Variants in GRB7 observed in about 807,000 individuals in gnomAD.
The protein encoded by GRB7 is growth factor receptor-bound protein 7.
GRB7 carries 47 observed loss-of-function variants against 64.1 expected under a neutral mutation model. That is an observed-to-expected ratio of 0.73 (90% CI 0.58 to 0.94). The LOEUF is 0.94. Ranked by LOEUF, GRB7 falls within the 40% of genes least tolerant of loss-of-function variation. The pLI, the probability that GRB7 is intolerant of heterozygous loss-of-function variation, is 0.00. For synonymous variants in GRB7, 277 were observed against 279.9 expected (o/e 0.99, Z 0.10); for missense variants, 634 against 718.4 (o/e 0.88, Z 1.34).
chr17:39,746,985 C>A lies in GRB7; in HGVS notation c.*88C>A. On this transcript the variant is annotated 3_prime_UTR_variant, in exon 15 of 15. Coordinates refer to ENST00000309156, the MANE Select transcript of GRB7 (RefSeq NM_005310.5). Reference sequence around the variant, plus strand: ...TCCAGTGGACTCTGGGGCGCGGCCACAGGGGACGGGATGAGGAGCGGGAGG... The same window carrying A: ...TCCAGTGGACTCTGGGGCGCGGCCAAAGGGGACGGGATGAGGAGCGGGAGG... 2 of 1,431,734 alleles carry A rather than the reference C, an allele frequency of 1.4e-6. No homozygotes were observed. The highest frequency in any genetic ancestry group is 2.5e-5 in the South Asian group (2 of 79,352). 88.7% of individuals were successfully genotyped at this position (1,431,734 alleles called of 1,614,324 possible).
chr17:39,742,568 A>G lies in GRB7; in HGVS notation c.158A>G (p.Lys53Arg), dbSNP rs1056117423. 2 of 1,613,766 alleles carry G rather than the reference A, an allele frequency of 1.2e-6. No homozygotes were observed. Among genetic ancestry groups the G allele is most frequent in the Middle Eastern group, 1.6e-4 (1 of 6,062 alleles). ...QPLLIPTTGR[K>R]LREEERRATS... ...CTCCCTTTTTCTTCTTGCCACAGGAAACTTCGAGAGGAGGAGAGGCGTGCC... is the reference window on the plus strand; with the variant it reads ...CTCCCTTTTTCTTCTTGCCACAGGAGACTTCGAGAGGAGGAGAGGCGTGCC... Residue 53 changes from lysine to arginine, a missense_variant and splice_region_variant, in exon 3 of 15, where the codon AAA becomes AGA. Around this residue, in one of 2 missense-constraint regions of GRB7, gnomAD observed 167 missense variants for 141.9 expected, o/e 1.18. Coordinates refer to ENST00000309156, the MANE Select transcript of GRB7 (RefSeq NM_005310.5).
chr17:39,741,553 C>T (rs919050518), intron 1 of GRB7, among the ~76,000 whole-genome samples: 2 of 152,252 alleles, frequency 1.3e-5, no homozygotes. Flanking sequence ...CTGGAAAAAC[C>T]CGGGGCACAG....
At chr17:39,743,978 CAAAAAGAAAAAG>C in intron 6 of GRB7, 80 bp from the exon 7 acceptor site, 1 of 1,533,608 alleles carries the variant, frequency 6.5e-7, no homozygotes, top group South Asian at 1.2e-5. Flanking sequence ...GACCCTGTCT[CAAAAAGAAAAAG>C]AAAAAGAGAA....
At position 39,742,721 on chromosome 17, in the gene GRB7, G is replaced by A; in HGVS notation, c.306+5G>A. ...CGCGATGCCAGCCGCCCCCATGTGA[G>A]TTGTCCCTCAGAAGGGAAGGGAGGG... On this transcript the variant is annotated splice_donor_5th_base_variant and intron_variant, in intron 3 of 14. Coordinates refer to ENST00000309156, the MANE Select transcript of GRB7 (RefSeq NM_005310.5). The A allele has an allele frequency of 6.4e-7, 1 of 1,550,578 alleles. No individual in the cohort carries two copies. The highest frequency in any genetic ancestry group is 2.3e-5 in the East Asian group (1 of 44,374).
intron 6 of GRB7, chr17:39,743,673 C>T: frequency 1.6e-6 from 1 of 609,790 alleles, no homozygotes; most frequent in Non-Finnish European, 2.9e-6. Context: ...GGAGCATTTC[C>T]TTGTAAAAAC....
intron 1 of GRB7, among the ~76,000 whole-genome samples, chr17:39,741,354 GC>G (rs2059992816): frequency 6.6e-6 from 1 of 152,134 alleles, no homozygotes; most frequent in South Asian, 2.1e-4. Flanking sequence ...AGGTTTGGGG[GC>G]TGCTGGGGCC....
intron 1 of GRB7, among the ~76,000 whole-genome samples, chr17:39,739,795 G>C (rs2059980167): frequency 6.6e-6 from 1 of 152,208 alleles, no homozygotes; most frequent in Admixed American, 6.5e-5. Flanking sequence ...GATTTTGGGG[G>C]TCGGTGTTTC....
chr17:39,738,811 T>C (rs2059972242), intron 1 of GRB7: 1 of 1,219,096 alleles, frequency 8.2e-7, no homozygotes, highest in Non-Finnish European at 1.1e-6. Flanking sequence ...CCCTCCACTT[T>C]GGAGGGCAGT....
chr17:39,746,231 G>T (rs1287629606), intron 14 of GRB7, 29 bp downstream of exon 14: 1 of 1,576,268 alleles, frequency 6.3e-7, no homozygotes, highest in Non-Finnish European at 8.7e-7. Context: ...CCGGAGTCCT[G>T]CAATGAGACA....
chr17:39,743,970 C>A (rs986382611), intron 6 of GRB7, 100 bp from the exon 7 acceptor site: 19 of 1,486,414 alleles, frequency 1.3e-5, no homozygotes, highest in South Asian at 1.2e-4. Context: ...TAGCATGAGA[C>A]CCTGTCTCAA....
intron 1 of GRB7, 106 bp from the exon 2 acceptor site, chr17:39,742,146 C>T (rs2059999821): frequency 1.3e-6 from 1 of 767,056 alleles, no homozygotes. Context: ...CCAAGGGCTT[C>T]AGGGAAACTC....
chr17:39,739,619 T>A (rs1395479493), intron 1 of GRB7, among the ~76,000 whole-genome samples: 1 of 152,230 alleles, frequency 6.6e-6, no homozygotes, highest in Non-Finnish European at 1.5e-5. Context: ...CTGTTGGCCC[T>A]GAACACCGGG....
Position 39,742,564 on chromosome 17 carries a change from A to G in GRB7, c.156-2A>G. On this transcript the variant is annotated splice_acceptor_variant, in intron 2 of 14. Coordinates refer to ENST00000309156, the MANE Select transcript of GRB7 (RefSeq NM_005310.5). LOFTEE classifies it high-confidence loss of function. ...CTCTCTCCCTTTTTCTTCTTGCCACAGGAAACTTCGAGAGGAGGAGAGGCG... is the reference window on the plus strand; with the variant it reads ...CTCTCTCCCTTTTTCTTCTTGCCACGGGAAACTTCGAGAGGAGGAGAGGCG... The G allele has an allele frequency of 1.9e-6, 3 of 1,613,798 alleles. No homozygotes were observed. Among genetic ancestry groups the G allele is most frequent in the Non-Finnish European group, 2.5e-6 (3 of 1,179,980 alleles).
At position 39,742,453 on chromosome 17, in the gene GRB7, G is replaced by T; in HGVS notation, c.152G>T (p.Gly51Val). 1 of 1,613,830 alleles carries T rather than the reference G, an allele frequency of 6.2e-7. No homozygotes were observed. The highest frequency in any genetic ancestry group is 8.5e-7 in the Non-Finnish European group (1 of 1,179,890). The change falls in exon 2 of 15, where the codon GGC (glycine) becomes GTC (valine). Residue 51 changes from glycine (G) to valine (V), a missense_variant. Physicochemically the swap from Gly to Val is moderately radical, Grantham distance 109 (BLOSUM62 -3). Around this residue, in one of 2 missense-constraint regions of GRB7, gnomAD observed 167 missense variants for 141.9 expected, o/e 1.18. Transcript: ENST00000309156. ...RSQPLLIPTT[G>V]RKLREEERRA... ...CAGCCTCTCCTCATCCCAACCACCG[G>T]CAGGTACGATGGGGCGTGGGGCTTG... is the stretch of plus-strand genomic sequence containing the variant.
chr17:39,742,487 C>A, intron 2 of GRB7, 31 bp downstream of exon 2: 2 of 1,612,638 alleles, frequency 1.2e-6, no homozygotes, highest in South Asian at 1.1e-5. Context: ...TGGGGGAGGT[C>A]AGTGCTGGAT....
At position 39,742,226 on chromosome 17, in the gene GRB7, T is replaced by A. The variant is rs763941546; in HGVS notation, c.-50-26T>A. 1.9e-6 allele frequency: 3 copies of A among 1,572,308 alleles called. No individual in the cohort carries two copies. The South Asian group carries it at 3.3e-5, about 17-fold the overall frequency. On this transcript the variant is annotated intron_variant, in intron 1 of 14. Transcript: ENST00000309156. ...AACCGCCGTGTGAGGTCAGGAGGTC[T>A]GAATTCTCTCATCCCCTCTCCCCAG...
Position 39,743,046 on chromosome 17 carries a change from T to G in GRB7, c.455T>G (p.Leu152Arg). The G allele has an allele frequency of 1.9e-6, 3 of 1,604,572 alleles. No homozygotes were observed. Among genetic ancestry groups the G allele is most frequent in the Non-Finnish European group, 2.6e-6 (3 of 1,174,346 alleles). ...GGGCTGGTGGAGTGCCACCCCCACC[T>G]AGCACTGGGTAAGTCAGGTGCATGG... is the stretch of plus-strand genomic sequence containing the variant. ...TWGLVECHPH[L>R]ALERGLEDHE... Residue 152 changes from leucine (L) to arginine (R), a missense_variant, in exon 4 of 15, where the codon CTA becomes CGA. Physicochemically the swap from Leu to Arg is moderately radical, Grantham distance 102. Around this residue, in one of 2 missense-constraint regions of GRB7, gnomAD observed 467 missense variants for 576.6 expected, o/e 0.81. Coordinates refer to ENST00000309156, the MANE Select transcript of GRB7 (RefSeq NM_005310.5).
chr17:39,744,485 G>T, intron 7 of GRB7, 68 bp from the exon 8 acceptor site: 1 of 1,285,604 alleles, frequency 7.8e-7, no homozygotes, highest in Non-Finnish European at 1.1e-6. Flanking sequence ...TCCCCACCTG[G>T]CTTGTGGGGG....
At chr17:39,739,877 C>A in intron 1 of GRB7, 1 of 416,204 alleles carries the variant, frequency 2.4e-6, no homozygotes, top group Non-Finnish European at 3.2e-6. Flanking sequence ...CAGCCAGGAC[C>A]CCTTCCTCCT....
Sources: gnomAD v4.1 joint callset for allele counts (sites outside exome capture counted in the v4.1 genomes callset) on GRCh38, gnomAD v4.1.1 for gene constraint, gnomAD v4.1.1 regional missense constraint, MANE v1.5 for transcripts, NCBI Gene and HGNC (gene_info 2026-07-23, HGNC 2026-07-21) for gene names.